The following TRAPPC9 variants were observed in gnomAD, a reference collection of about 807,000 sequenced individuals.
TRAPPC9 encodes IKK2 binding protein.
Under a neutral mutation model 124.0 loss-of-function variants are expected in TRAPPC9, and 83 were observed. The ratio of observed to expected loss-of-function variants is 0.67; its 90% CI spans 0.56 to 0.80. TRAPPC9 has a LOEUF of 0.80. TRAPPC9 is among the 30% of genes least tolerant of loss of function. The pLI is 0.00. For missense variants in TRAPPC9, 1,302 were observed against 1,508.3 expected, an observed-to-expected ratio of 0.86 and a Z score of 2.27; for synonymous variants, 638 against 617.5, an observed-to-expected ratio of 1.03 and a Z score of -0.49.
chr8:139,845,943 G>T (rs1299117984), intron 21 of TRAPPC9, among the ~76,000 whole-genome samples: 2 of 152,240 alleles, frequency 1.3e-5, no homozygotes, highest in Non-Finnish European at 2.9e-5. Context: ...AGCGGTGGAG[G>T]AGACACTCTG....
chr8:140,014,988 T>C (rs893223929), intron 18 of TRAPPC9, among the ~76,000 whole-genome samples: 4 of 152,184 alleles, frequency 2.6e-5, no homozygotes, highest in African/African-American at 9.7e-5. Flanking sequence ...GCAGAAATTA[T>C]CAGTATCAGT....
At chr8:140,253,691 A>C (rs2064181662) in intron 15 of TRAPPC9, among the ~76,000 whole-genome samples, 1 of 152,112 alleles carries the variant, frequency 6.6e-6, no homozygotes, top group Non-Finnish European at 1.5e-5. Flanking sequence ...AGAAAAAAAA[A>C]ACATCAAATC....
rs540741059 is a variant in TRAPPC9 at position 140,171,974 on chromosome 8, T to C, written c.2556+49485A>G. Among the ~76,000 whole-genome samples, 20 of 152,214 alleles carry C rather than the reference T, an allele frequency of 1.3e-4. No individual in the cohort carries two copies. The South Asian group carries it at 3.7e-3, about 28-fold the overall frequency. ...CAGAAAAGCAACAGAAAATGACAAC[T>C]GCTATGGGTGCCGCAGGTACTCTGA... On this transcript the variant is annotated intron_variant, in intron 17 of 22. Transcript: ENST00000438773.
At chr8:139,887,346 G>A (rs539525662) in intron 20 of TRAPPC9, among the ~76,000 whole-genome samples, 4 of 151,210 alleles carry the variant, frequency 2.6e-5, no homozygotes, top group African/African-American at 7.3e-5. Context: ...TCAGTCTCTC[G>A]AGTAGCTGGG....
intron 19 of TRAPPC9, among the ~76,000 whole-genome samples, chr8:139,973,060 G>A (rs937244095): frequency 5.9e-5 from 9 of 152,318 alleles, no homozygotes; most frequent in African/African-American, 1.4e-4. Context: ...CAACTAGAGC[G>A]CAGGTGGAAT....
intron 21 of TRAPPC9, among the ~76,000 whole-genome samples, chr8:139,857,740 G>A (rs572750492): frequency 2.2e-4 from 34 of 152,362 alleles, no homozygotes; most frequent in Admixed American, 1.9e-3. Flanking sequence ...GCACGAGGCT[G>A]GGTGCCCTGG....
intron 21 of TRAPPC9, among the ~76,000 whole-genome samples, chr8:139,813,968 G>A (rs936601572): frequency 2.6e-5 from 4 of 152,156 alleles, no homozygotes; most frequent in African/African-American, 7.2e-5. Context: ...CCCAGGGGTC[G>A]GTGAGGGTGC....
chr8:140,048,894 C>G (rs143297841), intron 17 of TRAPPC9, among the ~76,000 whole-genome samples: 2 of 152,156 alleles, frequency 1.3e-5, no homozygotes, highest in African/African-American at 4.8e-5. Context: ...CCCCTCTAGT[C>G]GAAGGCAGGA....
chr8:140,047,533 G>GA (rs1841691885), intron 17 of TRAPPC9, among the ~76,000 whole-genome samples: 1 of 152,208 alleles, frequency 6.6e-6, no homozygotes, highest in South Asian at 2.1e-4. Flanking sequence ...ATATAGGGAA[G>GA]AAAACACATC....
chr8:140,261,153 C>T (rs2064397872), intron 15 of TRAPPC9, among the ~76,000 whole-genome samples: 1 of 152,224 alleles, frequency 6.6e-6, no homozygotes, highest in African/African-American at 2.4e-5. Flanking sequence ...ACCTGGCACA[C>T]AGAACCCGCC....
intron 5 of TRAPPC9, among the ~76,000 whole-genome samples, chr8:140,419,445 A>C (rs1470555965): frequency 1.4e-5 from 2 of 145,334 alleles, no homozygotes; most frequent in Non-Finnish European, 3.0e-5. Flanking sequence ...AAAAAAAAAA[A>C]AAAAAAACAA....
chr8:139,802,262 A>G (rs72683238), intron 21 of TRAPPC9, among the ~76,000 whole-genome samples: 8,295 of 152,266 alleles, frequency 0.054, 339 homozygotes, highest in East Asian at 0.13. Context: ...AGAGACCAGC[A>G]AGAAAATGAG....
intron 8 of TRAPPC9, among the ~76,000 whole-genome samples, chr8:140,362,176 T>G (rs1324340356): frequency 6.6e-6 from 1 of 152,194 alleles, no homozygotes; most frequent in Non-Finnish European, 1.5e-5. Flanking sequence ...CAGGTTTATG[T>G]CTTATCCATT....
At chr8:140,248,872 C>T (rs2064051129) in intron 16 of TRAPPC9, among the ~76,000 whole-genome samples, 1 of 152,166 alleles carries the variant, frequency 6.6e-6, no homozygotes, top group South Asian at 2.1e-4. Flanking sequence ...CATTTAGAAA[C>T]AATTTCTAAA....
At chr8:139,873,677 G>T (rs1421748500) in intron 21 of TRAPPC9, among the ~76,000 whole-genome samples, 2 of 152,222 alleles carry the variant, frequency 1.3e-5, no homozygotes, top group East Asian at 3.9e-4. Context: ...GGTGATGAAG[G>T]CCTCCTGCAG....
intron 21 of TRAPPC9, among the ~76,000 whole-genome samples, chr8:139,758,223 G>A (rs1170420533): frequency 6.6e-6 from 1 of 152,234 alleles, no homozygotes; most frequent in Non-Finnish European, 1.5e-5. Context: ...TGCTGGCTGG[G>A]GCTGGAGCAA....
intron 21 of TRAPPC9, among the ~76,000 whole-genome samples, chr8:139,851,468 A>C (rs941614204): frequency 6.6e-6 from 1 of 152,128 alleles, no homozygotes; most frequent in Non-Finnish European, 1.5e-5. Context: ...ACGGTGGTGC[A>C]TCCCGGAAGG....
At chr8:140,074,491 T>A (rs1311682894) in intron 17 of TRAPPC9, among the ~76,000 whole-genome samples, 1 of 152,160 alleles carries the variant, frequency 6.6e-6, no homozygotes. Context: ...CCAGGGTCCC[T>A]CCGTAGGGGA....
intron 21 of TRAPPC9, among the ~76,000 whole-genome samples, chr8:139,823,680 G>A (rs1051079214): frequency 2.6e-5 from 4 of 152,206 alleles, no homozygotes; most frequent in Non-Finnish European, 4.4e-5. Context: ...GTCTGCTGAC[G>A]GACAGTGTTC....
Sources: allele counts gnomAD v4.1 joint callset (sites outside exome capture counted in the v4.1 genomes callset), GRCh38; gene constraint gnomAD v4.1.1; transcripts MANE v1.5; gene names NCBI Gene and HGNC (gene_info 2026-07-23, HGNC 2026-07-21).